The following MOCS3 variants were observed in gnomAD, a reference collection of about 807,000 sequenced individuals.
The protein encoded by MOCS3 is molybdenum cofactor synthesis 3, also known as adenylyltransferase and sulfurtransferase MOCS3.
In MOCS3, 9 loss-of-function variants were observed where a neutral mutation model predicts 8.4. The ratio of observed to expected loss-of-function variants is 1.07; its 90% CI spans 0.65 to 1.87. The LOEUF (loss-of-function observed/expected upper bound fraction) is 1.87, where lower values mean the gene tolerates loss of function less well. Among genes scored for constraint, MOCS3 ranks in the 40% most tolerant of loss-of-function variants. The pLI, the probability that MOCS3 is intolerant of heterozygous loss-of-function variation, is 0.00. For synonymous variants in MOCS3, 294 were observed against 272.0 expected, an observed-to-expected ratio of 1.08 and a Z score of -0.80; for missense variants, 581 against 599.7, an observed-to-expected ratio of 0.97 and a Z score of 0.33.
At position 50,961,898 on chromosome 20, in the gene MOCS3, A is replaced by T. The variant is rs1267285361; in HGVS notation, c.*1673A>T. The T allele has an allele frequency of 6.6e-6, 1 of 152,216 alleles. No homozygotes were observed. 9.4% of individuals were successfully genotyped at this position (152,216 alleles called of 1,614,324 possible). On this transcript the variant is annotated 3_prime_UTR_variant, in exon 1 of 1. Coordinates refer to ENST00000244051, the MANE Select transcript of MOCS3 (RefSeq NM_014484.5). ...CCTGTGTTTTTCATCTCCTTCTTCCAGGGACAACTGATTCTGATACATAGC... is the reference window on the plus strand; with the variant it reads ...CCTGTGTTTTTCATCTCCTTCTTCCTGGGACAACTGATTCTGATACATAGC...
Position 50,959,100 on chromosome 20 carries a change from A to C in MOCS3, c.258A>C (p.Leu86=), listed in dbSNP as rs556906970. The C allele has an allele frequency of 2.9e-5, 46 of 1,613,174 alleles. No homozygotes were observed. The South Asian group carries it at 4.8e-4, about 17-fold the overall frequency. ...TGCGCCTGGGGACCGCGTGCGTGCT[A>C]ATCGTGGGCTGCGGTGGGCTCGGCT... ...GQLRLGTACV[L]IVGCGGLGCP... The change falls in exon 1 of 1, where the codon CTA becomes CTC. Residue 86 remains leucine, a synonymous_variant. Coordinates refer to ENST00000244051, the MANE Select transcript of MOCS3 (RefSeq NM_014484.5).
At position 50,959,417 on chromosome 20, in the gene MOCS3, C is replaced by T. The variant is rs758218976; in HGVS notation, c.575C>T (p.Ala192Val). 5.0e-6 allele frequency: 8 copies of T among 1,613,884 alleles called. No homozygotes were observed. Among genetic ancestry groups the T allele is most frequent in the African/African-American group, 1.3e-5 (1 of 74,960 alleles). The change falls in exon 1 of 1, where the codon GCA (alanine) becomes GTA (valine). Residue 192 changes from alanine (A) to valine (V), a missense_variant. Physicochemically the swap from Ala to Val is moderately conservative, Grantham distance 64. Coordinates refer to ENST00000244051, the MANE Select transcript of MOCS3 (RefSeq NM_014484.5). ...CCCACTCGCTACCTGGTTAATGACG[C>T]ATGTGTGCTGGCGGGTCGGCCCCTC... ...NVPTRYLVNDACVLAGRPLVS... is the reference protein window; with the variant it reads ...NVPTRYLVNDVCVLAGRPLVS...
At position 50,962,275 on chromosome 20, in the gene MOCS3, T is replaced by G. The variant is rs1987118456; in HGVS notation, c.*2050T>G. On this transcript the variant is annotated 3_prime_UTR_variant, in exon 1 of 1. Coordinates refer to ENST00000244051, the MANE Select transcript of MOCS3 (RefSeq NM_014484.5). ...CAACTCTCCCAGAAAGCCCAACACT[T>G]CAGCCACAGTCCATGTGTCGAGAAA... 1 of 152,270 alleles carries G rather than the reference T, an allele frequency of 6.6e-6. No homozygotes were observed. The highest frequency in any genetic ancestry group is 2.4e-5 in the African/African-American group (1 of 41,432). The allele number at this position is 152,270 out of a possible 1,614,324, so 9.4% of individuals were successfully genotyped here.
chr20:50,962,648 C>T lies in MOCS3; in HGVS notation c.*2423C>T, dbSNP rs1158174013. The T allele has an allele frequency of 6.6e-6, 1 of 152,262 alleles. No homozygotes were observed. The highest frequency in any genetic ancestry group is 1.5e-5 in the Non-Finnish European group (1 of 68,090). The allele number at this position is 152,262 out of a possible 1,614,324, so 9.4% of individuals were successfully genotyped here. ...CACTGCAACCTCCACCTCCCATGTT[C>T]AAGTGATTCTCATGCCTCAGCCTCC... On this transcript the variant is annotated 3_prime_UTR_variant, in exon 1 of 1. Transcript: ENST00000244051.
rs1002184049 is a variant in MOCS3, at chr20:50,963,084, T to A, written c.*2859T>A. The A allele has an allele frequency of 6.6e-6, 1 of 152,044 alleles. No individual in the cohort carries two copies. Among genetic ancestry groups the A allele is most frequent in the Non-Finnish European group, 1.5e-5 (1 of 68,016 alleles). 9.4% of individuals were successfully genotyped at this position (152,044 alleles called of 1,614,324 possible). On this transcript the variant is annotated 3_prime_UTR_variant, in exon 1 of 1. Transcript: ENST00000244051. ...AGTTGTATGCCACCATGCCTAGCCA[T>A]TTTTTAATTTAAAAATTTTTTGGTA...
Position 50,960,158 on chromosome 20 carries a change from T to C in MOCS3, c.1316T>C (p.Val439Ala). The change falls in exon 1 of 1, where the codon GTT becomes GCT. Residue 439 changes from valine (V) to alanine (A), a missense_variant. Physicochemically the swap from Val to Ala is moderately conservative, Grantham distance 64 (BLOSUM62 0). Coordinates refer to ENST00000244051, the MANE Select transcript of MOCS3 (RefSeq NM_014484.5). ...SAAQELDPLTVRDVVGGLMAW... is the reference protein window; with the variant it reads ...SAAQELDPLTARDVVGGLMAW... ...GCTCAAGAGTTAGACCCTTTAACAGTTCGGGATGTTGTGGGGGGCCTCATG... is the reference window on the plus strand; with the variant it reads ...GCTCAAGAGTTAGACCCTTTAACAGCTCGGGATGTTGTGGGGGGCCTCATG... The C allele has an allele frequency of 6.2e-7, 1 of 1,614,218 alleles. No homozygotes were observed. The highest frequency in any genetic ancestry group is 8.5e-7 in the Non-Finnish European group (1 of 1,180,036).
In MOCS3 at chr20:50,959,475, A is replaced by C. The variant is rs771286323; in HGVS notation, c.633A>C (p.Gln211His). The C allele has an allele frequency of 6.2e-7, 1 of 1,614,110 alleles. No homozygotes were observed. The change falls in exon 1 of 1, where the codon CAA (glutamine) becomes CAC (histidine). Residue 211 changes from glutamine to histidine, a missense_variant. Gln to His is a conservative substitution (Grantham distance 24). Transcript: ENST00000244051. The part of the protein sequence containing the change: ...VSASALRFEG[Q>H]ITVYHYDGGP... ...CCAGTGCCTTGCGCTTCGAGGGCCA[A>C]ATCACAGTCTACCATTATGACGGTG...
In MOCS3 at chr20:50,959,015, ATGAGATTC is replaced by A; in HGVS notation, c.176_183del (p.Glu59AlafsTer3). 6.2e-7 allele frequency: 1 copy of A among 1,611,948 alleles called. No homozygotes were observed. Among genetic ancestry groups the A allele is most frequent in the Non-Finnish European group, 8.5e-7 (1 of 1,178,984 alleles). On this transcript the variant is annotated frameshift_variant, in exon 1 of 1. Transcript: ENST00000244051. LOFTEE classifies it low-confidence loss of function (END_TRUNC). Reference sequence around the variant, plus strand: ...CCGCCGAAGGCCGCTCTGTCCCGAGATGAGATTCTGCGCTATAGCCGGCAGCTAGTGCT... The same window carrying A: ...CCGCCGAAGGCCGCTCTGTCCCGAGATGCGCTATAGCCGGCAGCTAGTGCT...
At position 50,962,445 on chromosome 20, in the gene MOCS3, T is replaced by C. The variant is rs1987121328; in HGVS notation, c.*2220T>C. The C allele has an allele frequency of 6.6e-6, 1 of 152,260 alleles. No individual in the cohort carries two copies. The highest frequency in any genetic ancestry group is 1.5e-5 in the Non-Finnish European group (1 of 68,048). The allele number at this position is 152,260 out of a possible 1,614,324, so 9.4% of individuals were successfully genotyped here. A position where few individuals can be genotyped will look rare whatever the true frequency, so the allele number is the denominator to read the frequency against. On this transcript the variant is annotated 3_prime_UTR_variant, in exon 1 of 1. Transcript: ENST00000244051. ...TACAATAGGAAGACAGAACTCATGA[T>C]GTGGGATTTTCCCAAATAGTGAAAT...
In MOCS3 at chr20:50,963,718, A is replaced by G. The variant is rs1987145482; in HGVS notation, c.*3493A>G. The G allele has an allele frequency of 6.6e-6, 1 of 152,228 alleles. No individual in the cohort carries two copies. The highest frequency in any genetic ancestry group is 2.1e-4 in the South Asian group (1 of 4,832). The allele number at this position is 152,228 out of a possible 1,614,324, so 9.4% of individuals were successfully genotyped here. A position where few individuals can be genotyped will look rare whatever the true frequency, so the allele number is the denominator to read the frequency against. On this transcript the variant is annotated 3_prime_UTR_variant, in exon 1 of 1. Coordinates refer to ENST00000244051, the MANE Select transcript of MOCS3 (RefSeq NM_014484.5). ...TGGTTTTTATTCTAAATACAATAATAGCTAATATTTTGAGCACTTACTGTG... is the reference window on the plus strand; with the variant it reads ...TGGTTTTTATTCTAAATACAATAATGGCTAATATTTTGAGCACTTACTGTG...
At position 50,959,892 on chromosome 20, in the gene MOCS3, C is replaced by T. The variant is rs151124423; in HGVS notation, c.1050C>T (p.Phe350=). 3.0e-5 allele frequency: 48 copies of T among 1,614,226 alleles called. No homozygotes were observed. In the African/African-American group the frequency reaches 6.4e-4, roughly 22 times the overall value. Residue 350 remains phenylalanine, a synonymous_variant, in exon 1 of 1, where the codon TTC becomes TTT. Transcript: ENST00000244051. The part of the protein sequence containing the change: ...DYKRLLDSGA[F]HLLLDVRPQV... Reference sequence around the variant, plus strand: ...AGCGACTGCTGGATTCTGGGGCATTCCACCTGTTGCTGGACGTCAGGCCTC... The same window carrying T: ...AGCGACTGCTGGATTCTGGGGCATTTCACCTGTTGCTGGACGTCAGGCCTC...
In MOCS3 at chr20:50,961,836, ATGAC is replaced by A. The variant is rs1431921875; in HGVS notation, c.*1614_*1617del. On this transcript the variant is annotated 3_prime_UTR_variant, in exon 1 of 1. Transcript: ENST00000244051. ...TCCTGCCAACGAGTTATGGAGGTAA[ATGAC>A]TGTGACCTGGAGTGGAGAACAAAGA... 1 of 152,214 alleles carries A rather than the reference ATGAC, an allele frequency of 6.6e-6. No homozygotes were observed. The highest frequency in any genetic ancestry group is 1.5e-5 in the Non-Finnish European group (1 of 68,052). The allele number at this position is 152,214 out of a possible 1,614,324, so 9.4% of individuals were successfully genotyped here. A position where few individuals can be genotyped will look rare whatever the true frequency, so the allele number is the denominator to read the frequency against.
Position 50,962,140 on chromosome 20 carries a change from A to C in MOCS3, c.*1915A>C, listed in dbSNP as rs1987114920. Reference sequence around the variant, plus strand: ...CTGTACTTCTAGGAATGATGCCCGAAATCATGCACAAAACTGGCCTTAGGA... The same window carrying C: ...CTGTACTTCTAGGAATGATGCCCGACATCATGCACAAAACTGGCCTTAGGA... On this transcript the variant is annotated 3_prime_UTR_variant, in exon 1 of 1. Transcript: ENST00000244051. The C allele has an allele frequency of 6.6e-6, 1 of 152,228 alleles. No homozygotes were observed. The highest frequency in any genetic ancestry group is 1.9e-4 in the East Asian group (1 of 5,198). 9.4% of individuals were successfully genotyped at this position (152,228 alleles called of 1,614,324 possible).
In MOCS3 at chr20:50,959,664, C is replaced by T. The variant is rs2123160266; in HGVS notation, c.822C>T (p.Ser274=). 2 of 1,614,242 alleles carry T rather than the reference C, an allele frequency of 1.2e-6. No individual in the cohort carries two copies. Among genetic ancestry groups the T allele is most frequent in the African/African-American group, 1.3e-5 (1 of 75,068 alleles). The change falls in exon 1 of 1, where the codon AGC becomes AGT. Residue 274 remains serine (S), a synonymous_variant. Transcript: ENST00000244051. The part of the protein sequence containing the change: ...AAGLGPSYSG[S]LLLFDALRGH... ...GTCTGGGCCCCTCTTACAGTGGCAGCTTGTTGCTCTTTGATGCCCTGAGAG... is the reference window on the plus strand; with the variant it reads ...GTCTGGGCCCCTCTTACAGTGGCAGTTTGTTGCTCTTTGATGCCCTGAGAG...
rs138841225 is a variant in MOCS3 at position 50,959,991 on chromosome 20, G to T, written c.1149G>T (p.Ala383=). 1 of 1,614,156 alleles carries T rather than the reference G, an allele frequency of 6.2e-7. No homozygotes were observed. The highest frequency in any genetic ancestry group is 1.3e-5 in the African/African-American group (1 of 74,954). The change falls in exon 1 of 1, where the codon GCG becomes GCT. Residue 383 remains alanine (A), a synonymous_variant. Transcript: ENST00000244051. ...IPLKHLERRD[A]ESLKLLKEAI... ...TGAAACATTTGGAACGCAGGGATGC[G>T]GAGAGCCTGAAACTCTTAAAAGAAG...
rs1987088350 is a variant in MOCS3, at chr20:50,960,751, T to G, written c.*526T>G. 6.1e-6 allele frequency: 1 copy of G among 164,922 alleles called. No individual in the cohort carries two copies. The highest frequency in any genetic ancestry group is 6.5e-5 in the Admixed American group (1 of 15,280). The allele number at this position is 164,922 out of a possible 1,614,324, so 10.2% of individuals were successfully genotyped here. On this transcript the variant is annotated 3_prime_UTR_variant, in exon 1 of 1. Coordinates refer to ENST00000244051, the MANE Select transcript of MOCS3 (RefSeq NM_014484.5). ...GAATTAGTATCAAAATGAGATTTTT[T>G]TTTTTTTTTTGAGATGGAATCTCTC...
Position 50,960,358 on chromosome 20 carries a change from T to C in MOCS3, c.*133T>C. The C allele has an allele frequency of 1.1e-6, 1 of 902,548 alleles. No homozygotes were observed. Among genetic ancestry groups the C allele is most frequent in the Non-Finnish European group, 1.6e-6 (1 of 616,102 alleles). 55.9% of individuals were successfully genotyped at this position (902,548 alleles called of 1,614,324 possible). On this transcript the variant is annotated 3_prime_UTR_variant, in exon 1 of 1. Transcript: ENST00000244051. ...ATCTGTGAATACGTGGACTCCTTTTTATAAGGAGTTTTAAAAATTGTTATG... is the reference window on the plus strand; with the variant it reads ...ATCTGTGAATACGTGGACTCCTTTTCATAAGGAGTTTTAAAAATTGTTATG...
At position 50,960,940 on chromosome 20, in the gene MOCS3, C is replaced by G. The variant is rs1019790744; in HGVS notation, c.*715C>G. The stretch of plus-strand genomic sequence containing the variant: ...TGTATTTTTAGTACAGAGGGGGTTT[C>G]ACCATGTTTGTCAGGCTGGTCTCGA... On this transcript the variant is annotated 3_prime_UTR_variant, in exon 1 of 1. Coordinates refer to ENST00000244051, the MANE Select transcript of MOCS3 (RefSeq NM_014484.5). 1 of 161,630 alleles carries G rather than the reference C, an allele frequency of 6.2e-6. No individual in the cohort carries two copies. The highest frequency in any genetic ancestry group is 1.5e-5 in the Non-Finnish European group (1 of 68,120). The allele number at this position is 161,630 out of a possible 1,614,324, so 10.0% of individuals were successfully genotyped here. A position where few individuals can be genotyped will look rare whatever the true frequency, so the allele number is the denominator to read the frequency against.
In MOCS3 at chr20:50,959,266, G is replaced by A; in HGVS notation, c.424G>A (p.Ala142Thr). 6.2e-7 allele frequency: 1 copy of A among 1,609,718 alleles called. No homozygotes were observed. The change falls in exon 1 of 1, where the codon GCC becomes ACC. Residue 142 changes from alanine to threonine, a missense_variant. Ala to Thr is a moderately conservative substitution (Grantham distance 58). Coordinates refer to ENST00000244051, the MANE Select transcript of MOCS3 (RefSeq NM_014484.5). ...LAGQAKAFSA[A>T]ASLRRLNSAV... ...TGGCCAGGCCAAGGCCTTTTCGGCC[G>A]CCGCCTCGCTGCGCCGCCTCAATTC... is the stretch of plus-strand genomic sequence containing the variant.
Sources: gnomAD v4.1 joint callset for allele counts on GRCh38, gnomAD v4.1.1 for gene constraint, MANE v1.5 for transcripts, NCBI Gene and HGNC (gene_info 2026-07-23, HGNC 2026-07-21) for gene names.